UTP20: variants seen among roughly 807,000 people sequenced by gnomAD.
UTP20 encodes the protein small subunit processome component 20 homolog.
In UTP20, 164 loss-of-function variants were observed where a neutral mutation model predicts 329.5. The observed-to-expected ratio is 0.50, with a 90% CI of 0.44 to 0.57. The LOEUF (loss-of-function observed/expected upper bound fraction) is 0.57. Among genes scored for constraint, UTP20 ranks in the 20% least tolerant of loss-of-function variants. The pLI is 0.00. For missense variants in UTP20, 3,055 were observed against 3,284.2 expected, an observed-to-expected ratio of 0.93 and a Z score of 1.71; for synonymous variants, 1,151 against 1,159.3, an observed-to-expected ratio of 0.99 and a Z score of 0.14.
Position 101,323,826 on chromosome 12 carries a change from A to G in UTP20, c.3041+2197A>G, listed in dbSNP as rs189657194. 4.5e-4 allele frequency among the ~76,000 whole-genome samples: 69 copies of G among 152,228 alleles called. 1 individual carries two copies. The highest frequency in any genetic ancestry group is 1.7e-3 in the African/African-American group (69 of 41,534). On this transcript the variant is annotated intron_variant, in intron 25 of 61. Coordinates refer to ENST00000261637, the MANE Select transcript of UTP20 (RefSeq NM_014503.3). ...AGTGTTACCCAATTGTCGCAATACC[A>G]TTTCACTTAAAAAATCCAGACTTTC... is the stretch of plus-strand genomic sequence containing the variant.
intron 10 of UTP20, 93 bp from the exon 11 acceptor site, chr12:101,293,075 T>G: frequency 8.0e-7 from 1 of 1,252,724 alleles, no homozygotes; most frequent in Non-Finnish European, 1.2e-6. Context: ...CTGAGTGAAG[T>G]GTCCCTGCCA....
At position 101,300,001 on chromosome 12, in the gene UTP20, C is replaced by G; in HGVS notation, c.1615C>G (p.Leu539Val). The stretch of plus-strand genomic sequence containing the variant: ...TCTTGAGAAAGAGAAGGTGATACCA[C>G]TCGTCACCGGCTTCATAGAGGCACT... ...RPLEKEKVIP[L>V]VTGFIEALFM... Residue 539 changes from leucine to valine, a missense_variant, in exon 14 of 62, where the codon CTC becomes GTC. This residue lies in a region of UTP20 where 2,445 missense variants were observed against 2,575.5 expected (regional missense o/e 0.95). Coordinates refer to ENST00000261637, the MANE Select transcript of UTP20 (RefSeq NM_014503.3). 2 of 1,614,204 alleles carry G rather than the reference C, an allele frequency of 1.2e-6. No homozygotes were observed. The highest frequency in any genetic ancestry group is 1.7e-6 in the Non-Finnish European group (2 of 1,180,014).
chr12:101,342,447 A>G lies in UTP20; in HGVS notation c.4103A>G (p.Asp1368Gly), dbSNP rs1206857481. 5.0e-6 allele frequency: 8 copies of G among 1,603,612 alleles called. No homozygotes were observed. In the East Asian group the frequency reaches 1.3e-4, roughly 27 times the overall value. Reference protein sequence around the residue: ...PFLHRGNIAEDTEVDILVTVQ... With the variant: ...PFLHRGNIAEGTEVDILVTVQ... ...TTTCTCTGATTATTTCTTCTCAAGG[A>G]TACAGAGGTTGATATTCTGGTGACA... Residue 1368 changes from aspartate to glycine, a missense_variant and splice_region_variant, in exon 33 of 62, where the codon GAT (aspartate) becomes GGT (glycine). By Grantham distance (94) the Asp-to-Gly change is moderately conservative. This residue lies in a region of UTP20 where 2,445 missense variants were observed against 2,575.5 expected (regional missense o/e 0.95). Transcript: ENST00000261637.
chr12:101,292,498 TTGTC>T (rs1872196849), intron 10 of UTP20, among the ~76,000 whole-genome samples: 1 of 152,124 alleles, frequency 6.6e-6, no homozygotes, highest in Non-Finnish European at 1.5e-5. Context: ...TCTAGCGAAT[TTGTC>T]TGTTGGAGAT....
At chr12:101,320,470 C>T (rs1873113542) in intron 23 of UTP20, among the ~76,000 whole-genome samples, 1 of 151,720 alleles carries the variant, frequency 6.6e-6, no homozygotes, top group South Asian at 2.1e-4. Context: ...GCAGGAGAAT[C>T]GTTTGAACCC....
chr12:101,290,399 G>A, intron 7 of UTP20, 125 bp downstream of exon 7: 1 of 1,183,346 alleles, frequency 8.5e-7, no homozygotes, highest in Non-Finnish European at 1.1e-6. Context: ...AGGAGTGTTG[G>A]GTGTTCAGTA....
chr12:101,305,815 A>G (rs1193925640), intron 15 of UTP20, 100 bp from the exon 16 acceptor site: 13 of 1,331,810 alleles, frequency 9.8e-6, no homozygotes, highest in Non-Finnish European at 1.3e-5. Flanking sequence ...GTTACCTTTT[A>G]CATTTTCTTC....
intron 18 of UTP20, among the ~76,000 whole-genome samples, chr12:101,309,018 C>T (rs1872711932): frequency 6.6e-6 from 1 of 152,114 alleles, no homozygotes; most frequent in Non-Finnish European, 1.5e-5. Context: ...CAGGCGTGAG[C>T]CACTGCGCCC....
chr12:101,370,578 G>A lies in UTP20; in HGVS notation c.6687+15G>A. On this transcript the variant is annotated intron_variant, in intron 50 of 61. Transcript: ENST00000261637. ...GTCTTCTGAAGGTATGCTGTCGCCA[G>A]AATGTTGACTGTTACGGTTTATGAG... is the stretch of plus-strand genomic sequence containing the variant. 1 of 1,608,346 alleles carries A rather than the reference G, an allele frequency of 6.2e-7. No individual in the cohort carries two copies. The highest frequency in any genetic ancestry group is 8.5e-7 in the Non-Finnish European group (1 of 1,177,678).
intron 41 of UTP20, 62 bp from the exon 42 acceptor site, chr12:101,356,492 A>G (rs1457742157): frequency 7.4e-7 from 1 of 1,356,184 alleles, no homozygotes; most frequent in Non-Finnish European, 1.0e-6. Flanking sequence ...ACAAAGTTGC[A>G]GTGTTGGTAG....
intron 22 of UTP20, among the ~76,000 whole-genome samples, chr12:101,319,234 T>C (rs1390663247): frequency 6.6e-6 from 1 of 152,198 alleles, no homozygotes; most frequent in Non-Finnish European, 1.5e-5. Flanking sequence ...CCAAAAATCA[T>C]CTGAGTTTAA....
Position 101,290,730 on chromosome 12 carries a change from C to T in UTP20, c.736-3C>T, listed in dbSNP as rs1393744072. 2.5e-6 allele frequency: 4 copies of T among 1,603,630 alleles called. No homozygotes were observed. The highest frequency in any genetic ancestry group is 2.3e-5 in the South Asian group (2 of 88,400). On this transcript the variant is annotated splice_polypyrimidine_tract_variant and splice_region_variant and intron_variant, in intron 7 of 61. Coordinates refer to ENST00000261637, the MANE Select transcript of UTP20 (RefSeq NM_014503.3). The stretch of plus-strand genomic sequence containing the variant: ...TTAATGTTAATGACTTGTATTCCCA[C>T]AGGCAGTGAAGCTAATTTTGCGAAA...
At position 101,345,550 on chromosome 12, in the gene UTP20, A is replaced by C; in HGVS notation, c.4606-4A>C. On this transcript the variant is annotated splice_polypyrimidine_tract_variant and splice_region_variant and intron_variant, in intron 36 of 61. Transcript: ENST00000261637. Reference sequence around the variant, plus strand: ...AATGTTTTTTCTCCACTTCATATTTACAGAGTATTCAGCAGGATTATACCA... The same window carrying C: ...AATGTTTTTTCTCCACTTCATATTTCCAGAGTATTCAGCAGGATTATACCA... The C allele has an allele frequency of 1.3e-6, 2 of 1,508,202 alleles. No homozygotes were observed. Among genetic ancestry groups the C allele is most frequent in the Non-Finnish European group, 1.8e-6 (2 of 1,120,234 alleles). 93.4% of individuals were successfully genotyped at this position (1,508,202 alleles called of 1,614,324 possible).
Position 101,281,110 on chromosome 12 carries a change from T to G in UTP20, c.46-6T>G. On this transcript the variant is annotated splice_polypyrimidine_tract_variant and splice_region_variant and intron_variant, in intron 1 of 61. Transcript: ENST00000261637. ...TTATGTATCTTAAATATACTTTCCCTTCCAGTTTCTTACATTTGCTGAACG... is the reference window on the plus strand; with the variant it reads ...TTATGTATCTTAAATATACTTTCCCGTCCAGTTTCTTACATTTGCTGAACG... The G allele has an allele frequency of 6.2e-7, 1 of 1,608,620 alleles. No individual in the cohort carries two copies. Among genetic ancestry groups the G allele is most frequent in the Non-Finnish European group, 8.5e-7 (1 of 1,176,266 alleles).
chr12:101,302,305 T>C, intron 14 of UTP20, 143 bp from the exon 15 acceptor site: 1 of 604,520 alleles, frequency 1.7e-6, no homozygotes, highest in Non-Finnish European at 2.9e-6. Flanking sequence ...TATATTTGGA[T>C]GTTTGACAGA....
intron 45 of UTP20, among the ~76,000 whole-genome samples, chr12:101,364,385 C>T (rs1241010270): frequency 6.6e-6 from 1 of 152,174 alleles, no homozygotes; most frequent in Non-Finnish European, 1.5e-5. Flanking sequence ...ATATTCTAAG[C>T]ACTGCTACAT....
chr12:101,352,708 G>A (rs1277636328), intron 39 of UTP20, among the ~76,000 whole-genome samples: 1 of 147,708 alleles, frequency 6.8e-6, no homozygotes, highest in Non-Finnish European at 1.5e-5. Flanking sequence ...TATACCTAAT[G>A]CTAGATGACG....
intron 26 of UTP20, 95 bp downstream of exon 26, chr12:101,327,342 A>G (rs1400055034): frequency 2.3e-6 from 3 of 1,279,888 alleles, no homozygotes; most frequent in Non-Finnish European, 3.1e-6. Flanking sequence ...GCGTCTTTCT[A>G]ACAGGGTTGT....
At chr12:101,285,054 C>T (rs909864543) in intron 2 of UTP20, among the ~76,000 whole-genome samples, 2 of 152,106 alleles carry the variant, frequency 1.3e-5, no homozygotes, top group African/African-American at 4.8e-5. Flanking sequence ...TTCCTATTGT[C>T]GGATATTTTA....
Sources: allele counts gnomAD v4.1 joint callset (sites outside exome capture counted in the v4.1 genomes callset), GRCh38; gene constraint gnomAD v4.1.1; regional missense constraint gnomAD v4.1.1; transcripts MANE v1.5; gene names NCBI Gene and HGNC (gene_info 2026-07-23, HGNC 2026-07-21).